C16orf74: variants seen among roughly 807,000 people sequenced by gnomAD.
The protein encoded by C16orf74 is calcimembrin.
In C16orf74, 10 loss-of-function variants were observed where a neutral mutation model predicts 6.5. The ratio of observed to expected loss-of-function variants is 1.54; its 90% CI spans 0.95 to 2.61. C16orf74 has a LOEUF of 2.61. Ranked by LOEUF, C16orf74 falls within the 30% of genes most tolerant of loss-of-function variation. The pLI is 0.00. For synonymous variants in C16orf74, 60 were observed against 42.5 expected (o/e 1.41, Z -1.60); for missense variants, 141 against 105.9 (o/e 1.33, Z -1.45).
chr16:85,708,942 A>G (rs1361259937), intron 3 of C16orf74, among the ~76,000 whole-genome samples: 7 of 152,202 alleles, frequency 4.6e-5, no homozygotes, highest in Admixed American at 4.6e-4. Context: ...ACTTGCGGGG[A>G]GGACATCCGG....
chr16:85,735,519 C>T (rs1031923724), intron 1 of C16orf74, among the ~76,000 whole-genome samples: 1 of 152,154 alleles, frequency 6.6e-6, no homozygotes, highest in East Asian at 1.9e-4. Flanking sequence ...TCACTTGAAC[C>T]CAGGAGGCGG....
At chr16:85,719,672 G>A (rs980040394) in intron 2 of C16orf74, among the ~76,000 whole-genome samples, 5 of 152,150 alleles carry the variant, frequency 3.3e-5, no homozygotes, top group Admixed American at 6.5e-5. Context: ...AAGAAGCAGG[G>A]TTTAGGGGAG....
At chr16:85,747,290 A>G (rs1276758185) in intron 1 of C16orf74, among the ~76,000 whole-genome samples, 1 of 152,198 alleles carries the variant, frequency 6.6e-6, no homozygotes, top group Admixed American at 6.5e-5. Context: ...GTCTCCACAG[A>G]AAAATACAAA....
intron 2 of C16orf74, among the ~76,000 whole-genome samples, chr16:85,713,701 G>A (rs1321270860): frequency 6.6e-6 from 1 of 152,236 alleles, no homozygotes; most frequent in African/African-American, 2.4e-5. Context: ...CTGAGGCCCT[G>A]GGGGCGAGGA....
chr16:85,739,737 G>A (rs897881888), intron 1 of C16orf74, among the ~76,000 whole-genome samples: 2 of 152,088 alleles, frequency 1.3e-5, no homozygotes, highest in Admixed American at 1.3e-4. Flanking sequence ...TTGAAGTGGA[G>A]GCTACAGTGA....
At chr16:85,738,967 C>T (rs1567811691) in intron 1 of C16orf74, among the ~76,000 whole-genome samples, 4 of 142,268 alleles carry the variant, frequency 2.8e-5, no homozygotes, top group African/African-American at 7.3e-5. Flanking sequence ...GGATTTGAAG[C>T]CAGAACTTTG....
intron 1 of C16orf74, 136 bp from the exon 2 acceptor site, chr16:85,735,371 G>A (rs979436848): frequency 2.1e-6 from 1 of 478,676 alleles, no homozygotes; most frequent in Admixed American, 4.3e-5. Flanking sequence ...CCGGCCTCCA[G>A]GTCATGCCAC....
intron 2 of C16orf74, among the ~76,000 whole-genome samples, chr16:85,720,738 G>T (rs1363721822): frequency 2.1e-5 from 3 of 145,332 alleles, no homozygotes; most frequent in African/African-American, 7.7e-5. Flanking sequence ...ATCACACCAC[G>T]GCACCCCAGC....
intron 1 of C16orf74, among the ~76,000 whole-genome samples, chr16:85,742,317 G>C (rs1194050523): frequency 6.6e-6 from 1 of 152,144 alleles, no homozygotes; most frequent in Non-Finnish European, 1.5e-5. Context: ...AAGTTGCAGT[G>C]AGCCGAGATC....
rs2053925540 is a variant in C16orf74, at chr16:85,707,658, A to C, written c.*350T>G. ...TCTTGTTGGTGCTTATGGCAGGGGC[A>C]TGTGTTTGCACAGCCCTGGGGGCTG... On this transcript the variant is annotated 3_prime_UTR_variant, in exon 4 of 4. Coordinates refer to ENST00000284245, the MANE Select transcript of C16orf74 (RefSeq NM_206967.3). 1 of 260,892 alleles carries C rather than the reference A, an allele frequency of 3.8e-6. No individual in the cohort carries two copies. Among genetic ancestry groups the C allele is most frequent in the Non-Finnish European group, 7.2e-6 (1 of 138,960 alleles). 16.2% of individuals were successfully genotyped at this position (260,892 alleles called of 1,614,324 possible).
In C16orf74 at chr16:85,747,901, C is replaced by A. The variant is rs370469172; in HGVS notation, c.-19+3025G>T. On this transcript the variant is annotated intron_variant, in intron 1 of 3. Transcript: ENST00000284245. The stretch of plus-strand genomic sequence containing the variant: ...AGCAGTTCAAGACCAGCCTGGCCAA[C>A]TTGGTGAAACCCCATCTCTACTAAA... Among the ~76,000 whole-genome samples, 29 of 152,164 alleles carry A rather than the reference C, an allele frequency of 1.9e-4. No homozygotes were observed. The East Asian group carries it at 4.9e-3, about 25-fold the overall frequency.
At chr16:85,743,434 T>C (rs528527707) in intron 1 of C16orf74, 3 of 152,268 alleles carry the variant, frequency 2.0e-5, no homozygotes, top group African/African-American at 7.2e-5. Flanking sequence ...TCCTGTTTTA[T>C]AAATGAGGAG....
At chr16:85,715,734 A>G (rs1248748410) in intron 2 of C16orf74, among the ~76,000 whole-genome samples, 2 of 152,198 alleles carry the variant, frequency 1.3e-5, no homozygotes, top group Admixed American at 6.5e-5. Flanking sequence ...TCCCTGCTCT[A>G]TAACATCCAG....
rs67559471 is a variant in C16orf74 at position 85,740,230 on chromosome 16, AG to A, written c.-18-4996del. Among the ~76,000 whole-genome samples, 18 of 149,478 alleles carry A rather than the reference AG, an allele frequency of 1.2e-4. 2 individuals are homozygous for A. The highest frequency in any genetic ancestry group is 2.1e-4 in the South Asian group (1 of 4,746). Reference sequence around the variant, plus strand: ...TTGTCTCAAAAAAAAAAAAAAAAAAAGAAAAAGAAATGGTCCTTGCTCTTAG... The same window carrying A: ...TTGTCTCAAAAAAAAAAAAAAAAAAAAAAAAGAAATGGTCCTTGCTCTTAG... On this transcript the variant is annotated intron_variant, in intron 1 of 3. Transcript: ENST00000284245.
At chr16:85,721,693 T>C (rs529674196) in intron 2 of C16orf74, among the ~76,000 whole-genome samples, 78 of 152,316 alleles carry the variant, frequency 5.1e-4, no homozygotes, top group Admixed American at 2.2e-3. Context: ...ACAGGGGTAA[T>C]TGTCATTCAC....
chr16:85,746,516 C>T (rs2054374851), intron 1 of C16orf74, among the ~76,000 whole-genome samples: 1 of 152,174 alleles, frequency 6.6e-6, no homozygotes, highest in Non-Finnish European at 1.5e-5. Context: ...GAACTGGTTC[C>T]TGCAGAGCCA....
At chr16:85,739,719 G>C (rs941206974) in intron 1 of C16orf74, among the ~76,000 whole-genome samples, 3 of 152,158 alleles carry the variant, frequency 2.0e-5, no homozygotes, top group South Asian at 2.1e-4. Flanking sequence ...AGGATCGCTT[G>C]AGCCTCCTTG....
intron 2 of C16orf74, among the ~76,000 whole-genome samples, chr16:85,723,451 C>T (rs1358253405): frequency 1.3e-5 from 2 of 151,796 alleles, no homozygotes; most frequent in African/African-American, 4.8e-5. Flanking sequence ...ACAGAGGAAG[C>T]ATGAACTTCT....
At chr16:85,711,851 C>T (rs1230922033) in intron 2 of C16orf74, among the ~76,000 whole-genome samples, 2 of 152,116 alleles carry the variant, frequency 1.3e-5, no homozygotes, top group African/African-American at 4.8e-5. Flanking sequence ...CCTCCCTTGA[C>T]CACCATTAGG....
Sources: allele counts gnomAD v4.1 joint callset (sites outside exome capture counted in the v4.1 genomes callset), GRCh38; gene constraint gnomAD v4.1.1; transcripts MANE v1.5; gene names NCBI Gene and HGNC (gene_info 2026-07-23, HGNC 2026-07-21).